PMF1: variants seen among roughly 807,000 people sequenced by gnomAD.
PMF1 encodes the protein polyamine modulated factor 1, also known as polyamine-modulated factor 1.
In PMF1, 21 loss-of-function variants were observed where a neutral mutation model predicts 26.7. The ratio of observed to expected loss-of-function variants is 0.79; its 90% CI spans 0.56 to 1.13. PMF1 has a LOEUF of 1.13. PMF1 is among the 50% of genes most tolerant of loss of function. The pLI is 0.00. For missense variants in PMF1, 266 were observed against 254.9 expected, an observed-to-expected ratio of 1.04 and a Z score of -0.30; for synonymous variants, 105 against 101.0, an observed-to-expected ratio of 1.04 and a Z score of -0.24.
rs146785001 is a variant in PMF1, at chr1:156,236,523, T to C, written c.564+40T>C. Reference sequence around the variant, plus strand: ...CTGCCTCTTCCTCTTCCTTCTCTAATGGGCCCTCTGAGATCCGCAAATTGG... The same window carrying C: ...CTGCCTCTTCCTCTTCCTTCTCTAACGGGCCCTCTGAGATCCGCAAATTGG... On this transcript the variant is annotated intron_variant, in intron 4 of 4. Coordinates refer to ENST00000368277, the MANE Select transcript of PMF1 (RefSeq NM_007221.4). 6.4e-6 allele frequency: 10 copies of C among 1,552,362 alleles called. No homozygotes were observed. In the African/African-American group the frequency reaches 1.1e-4, roughly 17 times the overall value.
At chr1:156,231,990 AGT>A (rs1658737399) in intron 1 of PMF1, among the ~76,000 whole-genome samples, 2 of 152,194 alleles carry the variant, frequency 1.3e-5, no homozygotes, top group South Asian at 4.1e-4. Flanking sequence ...AGGCTCTCAA[AGT>A]GTGGTTCCCC....
At chr1:156,222,740 C>T (rs1658152545) in intron 1 of PMF1, among the ~76,000 whole-genome samples, 2 of 152,180 alleles carry the variant, frequency 1.3e-5, no homozygotes, top group African/African-American at 4.8e-5. Flanking sequence ...TGGTCTCAAA[C>T]TCCTAACCTC....
rs200972544 is a variant in PMF1, at chr1:156,237,906, T to C, written c.564+1423T>C. Among the ~76,000 whole-genome samples, 20 of 151,822 alleles carry C rather than the reference T, an allele frequency of 1.3e-4. No homozygotes were observed. The East Asian group carries it at 3.9e-3, about 29-fold the overall frequency. On this transcript the variant is annotated intron_variant, in intron 4 of 4. Transcript: ENST00000368277. ...GCCTCAGTCTCCCGAGTAGCTGGGATTACAGGTACCTGCTGTGACGCCTGG... is the reference window on the plus strand; with the variant it reads ...GCCTCAGTCTCCCGAGTAGCTGGGACTACAGGTACCTGCTGTGACGCCTGG...
At chr1:156,215,104 G>A (rs1357107543) in intron 1 of PMF1, among the ~76,000 whole-genome samples, 2 of 143,840 alleles carry the variant, frequency 1.4e-5, no homozygotes, top group African/African-American at 5.3e-5. Context: ...GTCTCGAACT[G>A]AGCTCAAGCG....
chr1:156,224,015 C>T (rs1042964063), intron 1 of PMF1: 2 of 152,198 alleles, frequency 1.3e-5, no homozygotes, highest in Non-Finnish European at 2.9e-5. Context: ...TATCAAACCA[C>T]AAAGTTTCTT....
At chr1:156,224,373 C>T (rs1053414827) in intron 1 of PMF1, among the ~76,000 whole-genome samples, 3 of 152,206 alleles carry the variant, frequency 2.0e-5, no homozygotes, top group Non-Finnish European at 4.4e-5. Context: ...TGTACAACAC[C>T]AGAATCCTAA....
chr1:156,225,655 C>G (rs1382592577), intron 1 of PMF1: 1 of 1,558,188 alleles, frequency 6.4e-7, no homozygotes, highest in Non-Finnish European at 8.7e-7. Context: ...TGCAGGTTAC[C>G]ACAGGGGAGG....
intron 1 of PMF1, among the ~76,000 whole-genome samples, chr1:156,227,134 A>G (rs913416934): frequency 6.6e-5 from 10 of 152,350 alleles, no homozygotes; most frequent in Admixed American, 6.5e-4. Flanking sequence ...TGCAGACGGC[A>G]TCCTTGTCCA....
At chr1:156,224,798 C>T (rs1294276351) in intron 1 of PMF1, among the ~76,000 whole-genome samples, 2 of 152,210 alleles carry the variant, frequency 1.3e-5, no homozygotes, top group African/African-American at 4.8e-5. Context: ...AAACATTTAT[C>T]TCTTTCTTCT....
intron 2 of PMF1, among the ~76,000 whole-genome samples, chr1:156,232,845 C>T (rs967017463): frequency 4.6e-5 from 7 of 151,802 alleles, no homozygotes; most frequent in African/African-American, 1.7e-4. Context: ...CATGAACTAC[C>T]AGCCTACAGG....
chr1:156,221,072 C>A (rs1265986444), intron 1 of PMF1, among the ~76,000 whole-genome samples: 1 of 152,182 alleles, frequency 6.6e-6, no homozygotes, highest in East Asian at 1.9e-4. Flanking sequence ...TGCCCCTTTA[C>A]CTGACTAGCT....
intron 1 of PMF1, chr1:156,225,758 C>T: frequency 1.8e-6 from 1 of 556,732 alleles, no homozygotes; most frequent in Non-Finnish European, 3.2e-6. Flanking sequence ...CTGTCCTGCA[C>T]AATTTATCTG....
intron 1 of PMF1, among the ~76,000 whole-genome samples, chr1:156,228,762 C>T (rs555154162): frequency 5.4e-4 from 82 of 152,270 alleles, no homozygotes; most frequent in African/African-American, 1.9e-3. Context: ...TCCAGCCCTG[C>T]TTGGTCAGCA....
chr1:156,216,932 A>G (rs1481552910), intron 1 of PMF1, among the ~76,000 whole-genome samples: 1 of 152,162 alleles, frequency 6.6e-6, no homozygotes, highest in African/African-American at 2.4e-5. Flanking sequence ...TGTCCTTTGT[A>G]GGGACATGGA....
chr1:156,229,576 G>GTTT (rs57035472), intron 1 of PMF1, among the ~76,000 whole-genome samples: 2 of 147,208 alleles, frequency 1.4e-5, no homozygotes, highest in African/African-American at 5.0e-5. Flanking sequence ...TTTTGTTTTT[G>GTTT]TTTTTTTTTT....
intron 1 of PMF1, among the ~76,000 whole-genome samples, 185 bp downstream of exon 1, chr1:156,213,361 T>C (rs1171988850): frequency 6.6e-6 from 1 of 152,216 alleles, no homozygotes; most frequent in Admixed American, 6.5e-5. Context: ...TGATAACCTG[T>C]AGCGGACCGG....
At chr1:156,215,971 G>A (rs1040900186) in intron 1 of PMF1, among the ~76,000 whole-genome samples, 5 of 152,130 alleles carry the variant, frequency 3.3e-5, no homozygotes, top group African/African-American at 1.2e-4. Flanking sequence ...AATATTTACT[G>A]ACCATTGACA....
intron 4 of PMF1, among the ~76,000 whole-genome samples, chr1:156,238,273 T>C (rs1659152734): frequency 6.6e-6 from 1 of 152,238 alleles, no homozygotes; most frequent in Non-Finnish European, 1.5e-5. Flanking sequence ...GCCCAATATT[T>C]AAATAACGTG....
chr1:156,222,545 G>T (rs536963237), intron 1 of PMF1, among the ~76,000 whole-genome samples: 2 of 152,262 alleles, frequency 1.3e-5, no homozygotes, highest in South Asian at 4.1e-4. Context: ...ACCACGCCCG[G>T]CTAATTTTGT....
Sources: allele counts gnomAD v4.1 joint callset (sites outside exome capture counted in the v4.1 genomes callset), GRCh38; gene constraint gnomAD v4.1.1; transcripts MANE v1.5; gene names NCBI Gene and HGNC (gene_info 2026-07-23, HGNC 2026-07-21).